PREX1: variants seen among roughly 807,000 people sequenced by gnomAD.
PREX1 encodes the protein phosphatidylinositol 3,4,5-trisphosphate-dependent Rac exchanger 1 protein.
A neutral mutation model predicts 198.3 loss-of-function variants in PREX1; 41 were observed. That is an observed-to-expected ratio of 0.21 (90% CI 0.16 to 0.27). The LOEUF (loss-of-function observed/expected upper bound fraction) is 0.27, where lower values mean the gene tolerates loss of function less well. Among genes scored for constraint, PREX1 ranks in the 10% least tolerant of loss-of-function variants. The pLI is 1.00. For synonymous variants in PREX1, 843 were observed against 887.2 expected (o/e 0.95, Z 0.89); for missense variants, 1,620 against 2,200.7 (o/e 0.74, Z 5.28).
the PREX1 span, among the ~76,000 whole-genome samples, chr20:48,860,076 A>G: frequency 0.17 from 26,330 of 152,238 alleles, 2,345 homozygotes; most frequent in Non-Finnish European, 0.19. Flanking sequence ...TTTGTGCAAC[A>G]GTGTTCATAG....
At chr20:48,832,883 T>C (rs1309281164), upstream of PREX1, among the ~76,000 whole-genome samples, 1 of 152,242 alleles carries the variant, frequency 6.6e-6, no homozygotes, top group African/African-American at 2.4e-5. Context: ...GAGACACTGC[T>C]TTGAGGAAGC....
intron 15 of PREX1, among the ~76,000 whole-genome samples, chr20:48,661,447 ATAT>A (rs1568809917): frequency 3.8e-4 from 35 of 91,946 alleles, no homozygotes; most frequent in African/African-American, 1.7e-3. Flanking sequence ...AAAAAAAAAT[ATAT>A]ATATATATAT....
intron 2 of PREX1, 28 bp from the exon 3 acceptor site, chr20:48,745,175 A>G: frequency 6.2e-7 from 1 of 1,606,490 alleles, no homozygotes; most frequent in Non-Finnish European, 8.5e-7. Flanking sequence ...GCCAGAGGAC[A>G]GCGTTAAGGC....
intron 1 of PREX1, among the ~76,000 whole-genome samples, chr20:48,766,882 A>G (rs969876640): frequency 3.3e-5 from 5 of 152,166 alleles, no homozygotes; most frequent in African/African-American, 1.2e-4. Flanking sequence ...TCACCTGTAA[A>G]ATAGACACTG....
the PREX1 span, among the ~76,000 whole-genome samples, chr20:48,862,293 G>T: frequency 2.0e-5 from 3 of 152,202 alleles, no homozygotes; most frequent in Admixed American, 2.0e-4. Flanking sequence ...ACCCAGACAG[G>T]AAAGACAGGA....
intron 11 of PREX1, 58 bp from the exon 12 acceptor site, chr20:48,679,812 C>T (rs1407791163): frequency 5.8e-6 from 8 of 1,385,368 alleles, no homozygotes; most frequent in African/African-American, 4.3e-5. Context: ...CTCCCAGCCA[C>T]GCCCCCCAGC....
chr20:48,744,952 T>C, intron 3 of PREX1, 73 bp downstream of exon 3: 3 of 1,561,612 alleles, frequency 1.9e-6, no homozygotes, highest in East Asian at 4.5e-5. Flanking sequence ...TGAAGGCGGA[T>C]GGGGCAGGGA....
intron 1 of PREX1, among the ~76,000 whole-genome samples, chr20:48,779,919 C>T (rs1167142051): frequency 1.3e-5 from 2 of 152,108 alleles, no homozygotes; most frequent in Non-Finnish European, 2.9e-5. Context: ...TCTTCTCTAT[C>T]CAGACTGTAG....
At chr20:48,632,145 C>A in intron 35 of PREX1, 132 bp downstream of exon 35, 1 of 820,300 alleles carries the variant, frequency 1.2e-6, no homozygotes. Context: ...TGCTGTCACA[C>A]AGAAGGTGCT....
At chr20:48,669,973 C>A (rs1400120695) in intron 14 of PREX1, among the ~76,000 whole-genome samples, 1 of 152,136 alleles carries the variant, frequency 6.6e-6, no homozygotes, top group Non-Finnish European at 1.5e-5. Context: ...CTCACCGACC[C>A]ACCATGTACA....
At chr20:48,828,896 G>C (rs187747343), upstream of PREX1, among the ~76,000 whole-genome samples, 1 of 152,176 alleles carries the variant, frequency 6.6e-6, no homozygotes, top group Non-Finnish European at 1.5e-5. Flanking sequence ...ATCATCACCC[G>C]CCTTATCGGA....
At chr20:48,788,213 G>A (rs767631626) in intron 1 of PREX1, among the ~76,000 whole-genome samples, 2 of 152,174 alleles carry the variant, frequency 1.3e-5, no homozygotes, top group African/African-American at 2.4e-5. Context: ...CAGTGTCCTC[G>A]AGCCTTTTGC....
intron 10 of PREX1, among the ~76,000 whole-genome samples, chr20:48,686,034 T>C (rs536878532): frequency 5.9e-5 from 9 of 152,192 alleles, no homozygotes; most frequent in Non-Finnish European, 8.8e-5. Flanking sequence ...CAAAGTACAG[T>C]GGGAGACAGC....
At chr20:48,632,205 C>T in intron 35 of PREX1, 72 bp downstream of exon 35, 1 of 1,458,948 alleles carries the variant, frequency 6.9e-7, no homozygotes, top group Non-Finnish European at 9.6e-7. Flanking sequence ...CGCCTGGCAC[C>T]TTCCATGCTA....
In PREX1 at chr20:48,700,815, G is replaced by A; in HGVS notation, c.855C>T (p.Asn285=). ...QGTLLKISAG[N]IQERAFFLFD... is the part of the protein sequence containing the mutation. ...AGAGGAAGAAGGCCCTTTCCTGGATGTTGCCCGCAGAGATCTTTAACAAAG... is the reference window on the plus strand; with the variant it reads ...AGAGGAAGAAGGCCCTTTCCTGGATATTGCCCGCAGAGATCTTTAACAAAG... The change falls in exon 7 of 40, where the codon AAC becomes AAT. Residue 285 remains asparagine (N), a synonymous_variant. Coordinates refer to ENST00000371941, the MANE Select transcript of PREX1 (RefSeq NM_020820.4). 2 of 1,614,122 alleles carry A rather than the reference G, an allele frequency of 1.2e-6. No homozygotes were observed. Among genetic ancestry groups the A allele is most frequent in the South Asian group, 1.1e-5 (1 of 91,086 alleles).
intron 1 of PREX1, among the ~76,000 whole-genome samples, chr20:48,754,492 TG>T (rs1440173686): frequency 6.6e-6 from 1 of 152,050 alleles, no homozygotes; most frequent in Non-Finnish European, 1.5e-5. Context: ...TGCTGTTGCC[TG>T]GGGAGGATAA....
At chr20:48,884,332 T>C in the PREX1 span, among the ~76,000 whole-genome samples, 7 of 152,272 alleles carry the variant, frequency 4.6e-5, no homozygotes, top group Admixed American at 2.6e-4. Flanking sequence ...GGCATAAGGA[T>C]AGACAGATAA....
intron 1 of PREX1, among the ~76,000 whole-genome samples, chr20:48,762,139 A>C (rs1342644268): frequency 2.0e-5 from 3 of 152,234 alleles, no homozygotes; most frequent in African/African-American, 7.2e-5. Flanking sequence ...TGGAATGCAG[A>C]TCTTTTTCCT....
chr20:48,685,178 C>T (rs1601075223), intron 10 of PREX1, among the ~76,000 whole-genome samples: 1 of 152,308 alleles, frequency 6.6e-6, no homozygotes, highest in Admixed American at 6.5e-5. Flanking sequence ...TCCCGACTGG[C>T]ACATAGCAGG....
Sources: gnomAD v4.1 joint callset for allele counts (sites outside exome capture counted in the v4.1 genomes callset) on GRCh38, gnomAD v4.1.1 for gene constraint, MANE v1.5 for transcripts, NCBI Gene and HGNC (gene_info 2026-07-23, HGNC 2026-07-21) for gene names.